Variants in FGFR2 observed in about 807,000 individuals in gnomAD.
FGFR2 encodes fibroblast growth factor receptor 2.
FGFR2 carries 19 observed loss-of-function variants against 95.9 expected under a neutral mutation model. The ratio of observed to expected loss-of-function variants is 0.20; its 90% CI spans 0.14 to 0.29. FGFR2 has a LOEUF of 0.29. FGFR2 is among the 10% of genes least tolerant of loss of function. FGFR2 has a pLI of 1.00. For missense variants in FGFR2, 707 were observed against 1,056.9 expected, an observed-to-expected ratio of 0.67 and a Z score of 4.59; for synonymous variants, 392 against 393.3, an observed-to-expected ratio of 1.00 and a Z score of 0.04.
At position 121,496,769 on chromosome 10, in the gene FGFR2, C is replaced by G. The variant is rs200641649; in HGVS notation, c.1673-47G>C. The G allele has an allele frequency of 3.3e-4, 522 of 1,561,894 alleles. 1 individual carries two copies. The African/African-American group carries it at 5.1e-3, about 15-fold the overall frequency. Reference sequence around the variant, plus strand: ...TCCCTAAAGAGAGAATCCAGGGTCTCCCCTTGGGCAATTCAGCAAAACATT... The same window carrying G: ...TCCCTAAAGAGAGAATCCAGGGTCTGCCCTTGGGCAATTCAGCAAAACATT... On this transcript the variant is annotated intron_variant, in intron 12 of 17. Transcript: ENST00000358487.
At position 121,493,980 on chromosome 10, in the gene FGFR2, G is replaced by A. The variant is rs534915648; in HGVS notation, c.1863+2552C>T. ...CTAATCAATCCATTCATTATCCCAA[G>A]AGCAAAATATGTCCAACATCAGCCC... On this transcript the variant is annotated intron_variant, in intron 13 of 17. Transcript: ENST00000358487. Among the ~76,000 whole-genome samples, 8 of 151,538 alleles carry A rather than the reference G, an allele frequency of 5.3e-5. No homozygotes were observed. The East Asian group carries it at 1.6e-3, about 30-fold the overall frequency.
intron 2 of FGFR2, among the ~76,000 whole-genome samples, chr10:121,569,685 C>T (rs952794504): frequency 6.6e-6 from 1 of 152,128 alleles, no homozygotes. Flanking sequence ...AAATATCACC[C>T]CCTAAAATAC....
At position 121,593,906 on chromosome 10, in the gene FGFR2, C is replaced by A; in HGVS notation, c.-89G>T. Reference sequence around the variant, plus strand: ...ACTTCCTCTACGGGCATGGACTACGCGCAATGCCTTCAGCCTGCGGTGGGC... The same window carrying A: ...ACTTCCTCTACGGGCATGGACTACGAGCAATGCCTTCAGCCTGCGGTGGGC... On this transcript the variant is annotated 5_prime_UTR_variant, in exon 2 of 18. Coordinates refer to ENST00000358487, the MANE Select transcript of FGFR2 (RefSeq NM_000141.5). 2.5e-6 allele frequency: 3 copies of A among 1,213,186 alleles called. No individual in the cohort carries two copies. The highest frequency in any genetic ancestry group is 2.3e-5 in the East Asian group (1 of 42,584). The allele number at this position is 1,213,186 out of a possible 1,614,324, so 75.2% of individuals were successfully genotyped here. A position where few individuals can be genotyped will look rare whatever the true frequency, so the allele number is the denominator to read the frequency against.
chr10:121,511,632 G>A (rs3750815), intron 9 of FGFR2, among the ~76,000 whole-genome samples: 14,479 of 152,198 alleles, frequency 0.095, 781 homozygotes, highest in South Asian at 0.2. Flanking sequence ...GGCACCAAAG[G>A]AGTGGGAGTG....
chr10:121,532,861 C>T (rs1452882470), intron 6 of FGFR2, among the ~76,000 whole-genome samples: 1 of 152,196 alleles, frequency 6.6e-6, no homozygotes, highest in Non-Finnish European at 1.5e-5. Flanking sequence ...TTCCTGTGCG[C>T]TTTCAGGCTG....
At chr10:121,501,097 C>T (rs1291804201) in intron 10 of FGFR2, 150 bp from the exon 11 acceptor site, 11 of 1,059,076 alleles carry the variant, frequency 1.0e-5, no homozygotes, top group African/African-American at 1.6e-5. Flanking sequence ...GGTACACACG[C>T]GCCTGAGTAT....
chr10:121,597,262 C>A (rs1252460115), intron 1 of FGFR2, among the ~76,000 whole-genome samples: 1 of 152,206 alleles, frequency 6.6e-6, no homozygotes, highest in Admixed American at 6.5e-5. Context: ...AAAAAATGAG[C>A]GCGCAAGTTA....
chr10:121,544,707 T>C (rs1259450933), intron 5 of FGFR2, among the ~76,000 whole-genome samples: 2 of 152,144 alleles, frequency 1.3e-5, no homozygotes, highest in African/African-American at 4.8e-5. Flanking sequence ...GGTACAAAGT[T>C]TCTGTTTGGA....
intron 2 of FGFR2, among the ~76,000 whole-genome samples, chr10:121,591,468 G>T (rs1431743045): frequency 6.6e-6 from 1 of 152,190 alleles, no homozygotes; most frequent in Non-Finnish European, 1.5e-5. Flanking sequence ...CAGGTCAAAT[G>T]GAAATCTCCT....
intron 2 of FGFR2, among the ~76,000 whole-genome samples, chr10:121,566,607 G>T (rs1368527525): frequency 6.6e-6 from 1 of 152,118 alleles, no homozygotes; most frequent in African/African-American, 2.4e-5. Context: ...GGTCCTCCGT[G>T]ATGGGAGTCA....
At chr10:121,508,780 C>T (rs776563600) in intron 9 of FGFR2, among the ~76,000 whole-genome samples, 14 of 152,304 alleles carry the variant, frequency 9.2e-5, no homozygotes, top group South Asian at 2.1e-4. Context: ...GGTAAGAAAA[C>T]GTGCAAAGTC....
rs60584824 is a variant in FGFR2, at chr10:121,556,433, C to CTCTCTCTCTCTA, written c.455-4975_455-4974insTAGAGAGAGAGA. Among the ~76,000 whole-genome samples the CTCTCTCTCTCTA allele has an allele frequency of 5.8e-3, 810 of 140,674 alleles. 40 individuals are homozygous for CTCTCTCTCTCTA. Among genetic ancestry groups the CTCTCTCTCTCTA allele is most frequent in the African/African-American group, 0.021 (773 of 37,190 alleles). The allele number at this position is 140,674 out of a possible 152,430, so 92.3% of individuals were successfully genotyped here. ...TCTCTCTCTCTCTCTCTCTCTCTCT[C>CTCTCTCTCTCTA]TGGAACCAAAAAACAGAGAACACGG... On this transcript the variant is annotated intron_variant, in intron 4 of 17. Coordinates refer to ENST00000358487, the MANE Select transcript of FGFR2 (RefSeq NM_000141.5).
intron 5 of FGFR2, among the ~76,000 whole-genome samples, chr10:121,545,364 A>G (rs982617169): frequency 7.2e-5 from 11 of 152,322 alleles, no homozygotes; most frequent in Middle Eastern, 6.8e-3. Flanking sequence ...TTCTGGTGCA[A>G]AACCACGTAG....
At position 121,500,886 on chromosome 10, in the gene FGFR2, C is replaced by T. The variant is rs2134008599; in HGVS notation, c.1501G>A (p.Val501Met). The T allele has an allele frequency of 6.2e-7, 1 of 1,614,246 alleles. No homozygotes were observed. The highest frequency in any genetic ancestry group is 8.5e-7 in the Non-Finnish European group (1 of 1,180,040). ...CFGQVVMAEA[V>M]GIDKDKPKEA... The stretch of plus-strand genomic sequence containing the variant: ...TTGGGCTTGTCTTTGTCAATTCCCA[C>T]TGCTTCCGCCATGACCACTTGCCCA... Residue 501 changes from valine to methionine, a missense_variant, in exon 11 of 18, where the codon GTG becomes ATG. Val to Met is a conservative substitution (Grantham distance 21). Transcript: ENST00000358487.
chr10:121,572,355 T>C (rs569566117), intron 2 of FGFR2, among the ~76,000 whole-genome samples: 1 of 152,156 alleles, frequency 6.6e-6, no homozygotes, highest in East Asian at 1.9e-4. Flanking sequence ...GCACAGTGGC[T>C]CATGCCTGTA....
intron 2 of FGFR2, among the ~76,000 whole-genome samples, chr10:121,568,901 T>G (rs1858114169): frequency 6.6e-6 from 1 of 152,136 alleles, no homozygotes; most frequent in African/African-American, 2.4e-5. Context: ...GGGAGATGCC[T>G]GGTGAAGGGT....
In FGFR2 at chr10:121,565,422, TG is replaced by T; in HGVS notation, c.376+15del. 1 of 1,613,980 alleles carries T rather than the reference TG, an allele frequency of 6.2e-7. No homozygotes were observed. Among genetic ancestry groups the T allele is most frequent in the Non-Finnish European group, 8.5e-7 (1 of 1,180,034 alleles). The stretch of plus-strand genomic sequence containing the variant: ...CTACAGAGAAGAGAGAGCATAGTGC[TG>T]GCGGGCCAACTCACCTGTGACATTC... On this transcript the variant is annotated intron_variant, in intron 3 of 17. Transcript: ENST00000358487.
At chr10:121,558,194 A>G (rs552489901) in intron 4 of FGFR2, among the ~76,000 whole-genome samples, 1 of 152,244 alleles carries the variant, frequency 6.6e-6, no homozygotes, top group Non-Finnish European at 1.5e-5. Context: ...AGTTGCTGCC[A>G]GATAACCCAT....
At chr10:121,593,479 GAGAA>G (rs1452289880) in intron 2 of FGFR2, among the ~76,000 whole-genome samples, 16 of 152,240 alleles carry the variant, frequency 1.1e-4, no homozygotes, top group Non-Finnish European at 1.5e-5. Flanking sequence ...ACCCAGCACA[GAGAA>G]ACACACACAG....
Sources: allele counts gnomAD v4.1 joint callset (sites outside exome capture counted in the v4.1 genomes callset), GRCh38; gene constraint gnomAD v4.1.1; transcripts MANE v1.5; gene names NCBI Gene and HGNC (gene_info 2026-07-23, HGNC 2026-07-21).